The following SLC14A1 variants were observed in gnomAD, a reference collection of about 807,000 sequenced individuals.
SLC14A1 encodes the protein urea transporter 1.
SLC14A1 carries 36 observed loss-of-function variants against 39.6 expected under a neutral mutation model. That is an observed-to-expected ratio of 0.91 (90% CI 0.70 to 1.20). The LOEUF is 1.20. Among genes scored for constraint, SLC14A1 ranks in the 50% most tolerant of loss-of-function variants. The pLI, the probability that SLC14A1 is intolerant of heterozygous loss-of-function variation, is 0.00. For missense variants in SLC14A1, 469 were observed against 478.7 expected (o/e 0.98, Z 0.19); for synonymous variants, 164 against 173.6 (o/e 0.94, Z 0.43).
intron 1 of SLC14A1, among the ~76,000 whole-genome samples, chr18:45,724,479 C>T (rs865789526): frequency 1.3e-5 from 2 of 152,190 alleles, no homozygotes; most frequent in African/African-American, 2.4e-5. Context: ...CAAAGGCATG[C>T]CTTTATTCGT....
Position 45,750,843 on chromosome 18 carries a change from A to G in SLC14A1, c.*892A>G. On this transcript the variant is annotated 3_prime_UTR_variant, in exon 10 of 10. Coordinates refer to ENST00000321925, the MANE Select transcript of SLC14A1 (RefSeq NM_015865.7). ...TTTTGTAAATGCCACAAATGCATAG[A>G]ATTGTTACCAACCTCCAAAGGGCTC... The G allele has an allele frequency of 1.0e-6, 1 of 985,232 alleles. No homozygotes were observed. 61.0% of individuals were successfully genotyped at this position (985,232 alleles called of 1,614,324 possible).
At chr18:45,727,438 C>T (rs530454367) in intron 2 of SLC14A1, 101 of 1,530,618 alleles carry the variant, frequency 6.6e-5, no homozygotes, top group Admixed American at 1.6e-4. Context: ...CTTCGTGCAG[C>T]CTCTGGCTCG....
chr18:45,728,437 A>C (rs2046932031), intron 2 of SLC14A1, among the ~76,000 whole-genome samples: 1 of 152,224 alleles, frequency 6.6e-6, no homozygotes, highest in African/African-American at 2.4e-5. Flanking sequence ...ATTCAGTTCC[A>C]GAAACTCAAG....
chr18:45,731,814 A>G (rs1186271487), intron 4 of SLC14A1, among the ~76,000 whole-genome samples: 4 of 152,222 alleles, frequency 2.6e-5, no homozygotes, highest in African/African-American at 9.6e-5. Flanking sequence ...AGGGCAGTAG[A>G]TAGCTCCCCA....
In SLC14A1 at chr18:45,730,425, T is replaced by C. The variant is rs1417111456; in HGVS notation, c.105T>C (p.Leu35=). The change falls in exon 3 of 10, where the codon CTT becomes CTC. Residue 35 remains leucine (L), a synonymous_variant. Coordinates refer to ENST00000321925, the MANE Select transcript of SLC14A1 (RefSeq NM_015865.7). ...CQGRRCFPKA[L]GYVTGDMKEL... ...GGAGAAGGTGCTTCCCCAAAGCTCT[T>C]GGCTATGTCACCGGTGACATGAAAG... 26 of 1,614,080 alleles carry C rather than the reference T, an allele frequency of 1.6e-5. No individual in the cohort carries two copies. The highest frequency in any genetic ancestry group is 1.6e-4 in the Middle Eastern group (1 of 6,084).
intron 9 of SLC14A1, 80 bp downstream of exon 9, chr18:45,748,505 T>C (rs934902019): frequency 7.1e-7 from 1 of 1,413,350 alleles, no homozygotes; most frequent in African/African-American, 1.4e-5. Context: ...TGAAGTCCAC[T>C]GGGCTGGCAT....
At chr18:45,725,238 A>G (rs187439065) in intron 2 of SLC14A1, among the ~76,000 whole-genome samples, 7 of 152,360 alleles carry the variant, frequency 4.6e-5, no homozygotes, top group Non-Finnish European at 1.5e-5. Flanking sequence ...AGAGGATATT[A>G]GTTGACCTGA....
chr18:45,744,237 C>T (rs1568045922), intron 8 of SLC14A1, among the ~76,000 whole-genome samples: 1 of 152,208 alleles, frequency 6.6e-6, no homozygotes, highest in Admixed American at 6.5e-5. Flanking sequence ...TGGTCTCAAA[C>T]TCCTGACCTC....
intron 8 of SLC14A1, 82 bp downstream of exon 8, chr18:45,739,744 T>C: frequency 6.3e-7 from 1 of 1,593,354 alleles, no homozygotes; most frequent in Non-Finnish European, 8.6e-7. Flanking sequence ...ACGGACTGCA[T>C]GAAAAATCAG....
At chr18:45,730,968 T>A in intron 3 of SLC14A1, 47 bp from the exon 4 acceptor site, 7 of 1,563,414 alleles carry the variant, frequency 4.5e-6, no homozygotes, top group Non-Finnish European at 6.2e-6. Context: ...GGTTGAAGAG[T>A]ATCACTTGGC....
chr18:45,731,432 T>C lies in SLC14A1; in HGVS notation c.341+228T>C, dbSNP rs528052351. 6.7e-5 allele frequency: 40 copies of C among 599,834 alleles called. No individual in the cohort carries two copies. The African/African-American group carries it at 7.4e-4, about 11-fold the overall frequency. The allele number at this position is 599,834 out of a possible 1,614,324, so 37.2% of individuals were successfully genotyped here. Reference sequence around the variant, plus strand: ...AAATGATGCCAGATTCTTGTGGCATTACGTGCTAACCAGAACTAAGCTACA... The same window carrying C: ...AAATGATGCCAGATTCTTGTGGCATCACGTGCTAACCAGAACTAAGCTACA... On this transcript the variant is annotated intron_variant, in intron 4 of 9. Coordinates refer to ENST00000321925, the MANE Select transcript of SLC14A1 (RefSeq NM_015865.7).
chr18:45,734,200 A>C, intron 4 of SLC14A1, 74 bp from the exon 5 acceptor site: 1 of 1,560,758 alleles, frequency 6.4e-7, no homozygotes, highest in Non-Finnish European at 8.8e-7. Flanking sequence ...TCTGGAAGTT[A>C]CTAGTGTTAT....
At chr18:45,740,502 C>G (rs1337824888) in intron 8 of SLC14A1, among the ~76,000 whole-genome samples, 1 of 133,172 alleles carries the variant, frequency 7.5e-6, no homozygotes, top group Non-Finnish European at 1.6e-5. Context: ...GCCTGGGCAA[C>G]AGAGCAAGAC....
Position 45,736,675 on chromosome 18 carries a change from G to T in SLC14A1, c.663+27G>T, listed in dbSNP as rs368659981. 1.8e-5 allele frequency: 29 copies of T among 1,605,562 alleles called. No homozygotes were observed. The East Asian group carries it at 3.8e-4, about 21-fold the overall frequency. On this transcript the variant is annotated intron_variant, in intron 6 of 9. Coordinates refer to ENST00000321925, the MANE Select transcript of SLC14A1 (RefSeq NM_015865.7). The stretch of plus-strand genomic sequence containing the variant: ...TAAGAGACACTGGCTTCTCACATTC[G>T]CCCTGGCTCTGCAAGATACGCAATG...
rs2047610987 is a variant in SLC14A1 at position 45,748,363 on chromosome 18, T to C, written c.947-13T>C. ...ACGAAGCATTGTTCTTTCCCTCCTT[T>C]TTTTTTCTGTAGCCCTGTTCACGGC... On this transcript the variant is annotated splice_polypyrimidine_tract_variant and intron_variant, in intron 8 of 9. Coordinates refer to ENST00000321925, the MANE Select transcript of SLC14A1 (RefSeq NM_015865.7). The C allele has an allele frequency of 2.5e-6, 4 of 1,614,138 alleles. No individual in the cohort carries two copies. In the African/African-American group the frequency reaches 5.3e-5, roughly 22 times the overall value.
intron 8 of SLC14A1, 66 bp downstream of exon 8, chr18:45,739,728 G>C: frequency 1.2e-6 from 2 of 1,607,556 alleles, no homozygotes; most frequent in Non-Finnish European, 8.5e-7. Flanking sequence ...AGGATAAGCA[G>C]TAAAAACGGA....
chr18:45,736,343 C>A, intron 5 of SLC14A1, 113 bp from the exon 6 acceptor site: 3 of 983,830 alleles, frequency 3.0e-6, no homozygotes, highest in Non-Finnish European at 4.9e-6. Flanking sequence ...TGTGCCAACA[C>A]AACACGTAAG....
chr18:45,749,212 C>T (rs1224493865), intron 9 of SLC14A1, among the ~76,000 whole-genome samples: 1 of 152,110 alleles, frequency 6.6e-6, no homozygotes, highest in Non-Finnish European at 1.5e-5. Flanking sequence ...CTCCATCACA[C>T]CCCAGGGAGG....
rs369365739 is a variant in SLC14A1, at chr18:45,750,973, T to C, written c.*1022T>C. 48 of 985,054 alleles carry C rather than the reference T, an allele frequency of 4.9e-5. No homozygotes were observed. The East Asian group carries it at 1.4e-3, about 28-fold the overall frequency. The allele number at this position is 985,054 out of a possible 1,614,324, so 61.0% of individuals were successfully genotyped here. A position where few individuals can be genotyped will look rare whatever the true frequency, so the allele number is the denominator to read the frequency against. ...TTTTATAAGTTGTTGAATTCCTTAA[T>C]TTAAAAAAGCTCATTATTTTTTGCA... is the stretch of plus-strand genomic sequence containing the variant. On this transcript the variant is annotated 3_prime_UTR_variant, in exon 10 of 10. Transcript: ENST00000321925.
Sources: gnomAD v4.1 joint callset for allele counts (sites outside exome capture counted in the v4.1 genomes callset) on GRCh38, gnomAD v4.1.1 for gene constraint, MANE v1.5 for transcripts, NCBI Gene and HGNC (gene_info 2026-07-23, HGNC 2026-07-21) for gene names.